The following TMPRSS15 variants were observed in gnomAD, a reference collection of about 807,000 sequenced individuals.
The protein encoded by TMPRSS15 is enteropeptidase.
Under a neutral mutation model 125.3 loss-of-function variants are expected in TMPRSS15, and 128 were observed. The ratio of observed to expected loss-of-function variants is 1.02; its 90% CI spans 0.89 to 1.18. The LOEUF is 1.18. Among genes scored for constraint, TMPRSS15 ranks in the 50% most tolerant of loss-of-function variants. TMPRSS15 has a pLI of 0.00. For synonymous variants in TMPRSS15, 446 were observed against 423.2 expected (o/e 1.05, Z -0.66); for missense variants, 1,283 against 1,212.7 (o/e 1.06, Z -0.86).
intron 1 of TMPRSS15, among the ~76,000 whole-genome samples, chr21:18,473,197 T>C (rs1292647772): frequency 1.3e-5 from 2 of 152,102 alleles, no homozygotes; most frequent in African/African-American, 4.8e-5. Flanking sequence ...TACAAGTTTC[T>C]CCTTGCCTTT....
chr21:18,313,400 T>C (rs2075123357), intron 17 of TMPRSS15, among the ~76,000 whole-genome samples: 1 of 151,262 alleles, frequency 6.6e-6, no homozygotes. Flanking sequence ...TCTCTGTATA[T>C]ACATTCTCTC....
chr21:18,416,786 C>A (rs138285258), intron 1 of TMPRSS15, among the ~76,000 whole-genome samples: 3 of 152,094 alleles, frequency 2.0e-5, no homozygotes, highest in East Asian at 3.9e-4. Context: ...CTCATTCATT[C>A]AAGAGTACAT....
intron 15 of TMPRSS15, 65 bp downstream of exon 15, chr21:18,329,104 G>A (rs947631257): frequency 1.6e-5 from 25 of 1,583,214 alleles, no homozygotes; most frequent in Admixed American, 1.3e-4. Flanking sequence ...ATTAAGAAAC[G>A]CTCTTTCCAT....
intron 1 of TMPRSS15, among the ~76,000 whole-genome samples, chr21:18,444,234 A>T (rs1049749148): frequency 2.0e-5 from 3 of 152,186 alleles, no homozygotes; most frequent in Non-Finnish European, 4.4e-5. Context: ...GAATCAACCT[A>T]AATGCCCATT....
At chr21:18,405,508 T>C (rs1474727529), upstream of TMPRSS15, among the ~76,000 whole-genome samples, 2 of 152,160 alleles carry the variant, frequency 1.3e-5, no homozygotes, top group Non-Finnish European at 2.9e-5. Flanking sequence ...CAAAACTCGT[T>C]ACAAAGCTGT....
At chr21:18,317,851 T>TCCCAA (rs1252498186) in intron 16 of TMPRSS15, among the ~76,000 whole-genome samples, 2 of 84,484 alleles carry the variant, frequency 2.4e-5, no homozygotes, top group African/African-American at 1.2e-4. Flanking sequence ...TCCCATCCCA[T>TCCCAA]CCCATCCCAT....
chr21:18,390,627 G>T (rs889668535), intron 3 of TMPRSS15, among the ~76,000 whole-genome samples: 1 of 152,080 alleles, frequency 6.6e-6, no homozygotes, highest in Non-Finnish European at 1.5e-5. Flanking sequence ...GTAGATACAT[G>T]GTGCTAAATG....
intron 13 of TMPRSS15, among the ~76,000 whole-genome samples, chr21:18,336,104 T>C (rs897751838): frequency 1.2e-4 from 18 of 152,208 alleles, no homozygotes; most frequent in African/African-American, 2.4e-5. Context: ...TGTCATTTTT[T>C]ACTCCATGCT....
chr21:18,321,750 A>C lies in TMPRSS15; in HGVS notation c.1921+4682T>G, dbSNP rs1159421050. ...CAATCTCGCTTTCCCTTACCAGCTT[A>C]ATTAGCCTCCACAGCCAAGTCCCTG... On this transcript the variant is annotated intron_variant, in intron 16 of 24. Coordinates refer to ENST00000284885, the MANE Select transcript of TMPRSS15 (RefSeq NM_002772.3). 3.9e-5 allele frequency among the ~76,000 whole-genome samples: 6 copies of C among 152,176 alleles called. No individual in the cohort carries two copies. The South Asian group carries it at 1.2e-3, about 31-fold the overall frequency.
intron 16 of TMPRSS15, among the ~76,000 whole-genome samples, chr21:18,317,146 A>G (rs1444955977): frequency 6.6e-6 from 1 of 152,198 alleles, no homozygotes; most frequent in African/African-American, 2.4e-5. Context: ...AACAAATTAT[A>G]AAAATATCCA....
intron 1 of TMPRSS15, among the ~76,000 whole-genome samples, chr21:18,430,983 G>T (rs2076215557): frequency 6.6e-6 from 1 of 152,140 alleles, no homozygotes; most frequent in African/African-American, 2.4e-5. Flanking sequence ...AGTTTGCTTA[G>T]CATGTACAGT....
intron 1 of TMPRSS15, among the ~76,000 whole-genome samples, chr21:18,441,699 T>TTAC (rs1156678576): frequency 7.7e-6 from 1 of 129,960 alleles, no homozygotes; most frequent in Non-Finnish European, 1.7e-5. Context: ...ATTATTATTA[T>TTAC]TATTATTTTG....
intron 1 of TMPRSS15, among the ~76,000 whole-genome samples, chr21:18,439,183 T>C (rs1012493497): frequency 6.6e-6 from 1 of 152,180 alleles, no homozygotes; most frequent in Non-Finnish European, 1.5e-5. Flanking sequence ...CCATGGAAAA[T>C]GATCTTTTTG....
rs2075147016 is a variant in TMPRSS15, at chr21:18,315,060, AC to A, written c.2032+85del. On this transcript the variant is annotated intron_variant, in intron 17 of 24. Coordinates refer to ENST00000284885, the MANE Select transcript of TMPRSS15 (RefSeq NM_002772.3). ...AAAGCATCAAAACAGGTCCTAATAG[AC>A]ACAGTTATAATCTTTCTTTGACACT... 1.4e-5 allele frequency: 15 copies of A among 1,100,946 alleles called. 1 individual carries two copies. The highest frequency in any genetic ancestry group is 2.1e-5 in the Non-Finnish European group (15 of 725,630). The allele number at this position is 1,100,946 out of a possible 1,614,324, so 68.2% of individuals were successfully genotyped here.
At chr21:18,294,920 G>T (rs1040855835) in intron 19 of TMPRSS15, among the ~76,000 whole-genome samples, 3 of 152,022 alleles carry the variant, frequency 2.0e-5, no homozygotes, top group Non-Finnish European at 4.4e-5. Context: ...CATAAAATGG[G>T]GGTAATAATA....
At chr21:18,365,406 T>G (rs1457158453) in intron 6 of TMPRSS15, among the ~76,000 whole-genome samples, 158 bp from the exon 7 acceptor site, 1 of 152,222 alleles carries the variant, frequency 6.6e-6, no homozygotes. Flanking sequence ...ATTAGCCATG[T>G]TCAAATACTC....
chr21:18,324,549 G>A (rs2824743), intron 16 of TMPRSS15, among the ~76,000 whole-genome samples: 28,065 of 152,032 alleles, frequency 0.18, 2,556 homozygotes, highest in African/African-American at 0.23. Flanking sequence ...TTATTGTAAC[G>A]TCACTTGTGG....
chr21:18,437,797 A>G (rs1206692952), intron 1 of TMPRSS15, among the ~76,000 whole-genome samples: 1 of 152,210 alleles, frequency 6.6e-6, no homozygotes, highest in Non-Finnish European at 1.5e-5. Context: ...CACCAGTTAG[A>G]ATGGCAATCA....
intron 10 of TMPRSS15, among the ~76,000 whole-genome samples, chr21:18,350,073 C>CT (rs561689165): frequency 1.6e-4 from 24 of 151,660 alleles, no homozygotes; most frequent in African/African-American, 3.4e-4. Flanking sequence ...GTGGTAGAAA[C>CT]TTTTTTTTAA....
Sources: gnomAD v4.1 joint callset for allele counts (sites outside exome capture counted in the v4.1 genomes callset) on GRCh38, gnomAD v4.1.1 for gene constraint, MANE v1.5 for transcripts, NCBI Gene and HGNC (gene_info 2026-07-23, HGNC 2026-07-21) for gene names.